The following IFI27L1 variants were observed in gnomAD, a reference collection of about 807,000 sequenced individuals.
The protein encoded by IFI27L1 is interferon alpha inducible protein 27 like 1.
A neutral mutation model predicts 9.2 loss-of-function variants in IFI27L1; 3 were observed. The ratio of observed to expected loss-of-function variants is 0.32; its 90% confidence interval spans 0.15 to 0.84. IFI27L1 has a LOEUF of 0.84. Ranked by LOEUF, IFI27L1 falls within the 40% of genes least tolerant of loss-of-function variation. IFI27L1 has a pLI of 0.56. For synonymous variants in IFI27L1, 53 were observed against 50.0 expected (o/e 1.06, Z -0.26); for missense variants, 133 against 134.2 (o/e 0.99, Z 0.05).
chr14:94,100,420 C>T, intron 2 of IFI27L1: 26 of 985,390 alleles, frequency 2.6e-5, no homozygotes, highest in Non-Finnish European at 3.1e-5. Context: ...ATGTTCCTGC[C>T]AGCCCTGAGA....
At chr14:94,088,927 T>C (rs1886374602) in intron 1 of IFI27L1, 1 of 152,264 alleles carries the variant, frequency 6.6e-6, no homozygotes, top group Admixed American at 6.5e-5. Flanking sequence ...TGGTTTGTTT[T>C]CCCCTCAGTA....
intron 2 of IFI27L1, 119 bp from the exon 3 acceptor site, chr14:94,100,620 G>A (rs1886857201): frequency 1.3e-6 from 2 of 1,582,352 alleles, no homozygotes; most frequent in Admixed American, 1.8e-5. Flanking sequence ...ATGAGTAGGG[G>A]GCTTCAGAAG....
intron 1 of IFI27L1, among the ~76,000 whole-genome samples, chr14:94,096,118 A>G (rs1480274849): frequency 1.3e-5 from 2 of 152,190 alleles, no homozygotes; most frequent in Non-Finnish European, 2.9e-5. Flanking sequence ...AATGACTTCT[A>G]TTTGTCCCCC....
intron 1 of IFI27L1, among the ~76,000 whole-genome samples, chr14:94,082,533 C>T (rs1595384737): frequency 1.3e-5 from 2 of 152,338 alleles, no homozygotes; most frequent in African/African-American, 2.4e-5. Context: ...AATGTCTGGC[C>T]TCAAAGGCCA....
chr14:94,101,110 T>C, intron 3 of IFI27L1: 1 of 517,972 alleles, frequency 1.9e-6, no homozygotes, highest in Non-Finnish European at 3.5e-6. Flanking sequence ...GAAGGGAGTA[T>C]GTCAGCTGAG....
At chr14:94,099,325 G>C (rs1485245786) in intron 2 of IFI27L1, among the ~76,000 whole-genome samples, 1 of 152,154 alleles carries the variant, frequency 6.6e-6, no homozygotes, top group Non-Finnish European at 1.5e-5. Flanking sequence ...GAGAGCAGGG[G>C]GACGCTGTCT....
chr14:94,085,595 T>C (rs981821574), intron 1 of IFI27L1, among the ~76,000 whole-genome samples: 3 of 152,210 alleles, frequency 2.0e-5, no homozygotes, highest in Admixed American at 2.0e-4. Flanking sequence ...GTGATGGAAC[T>C]GAGTGTAATT....
intron 1 of IFI27L1, among the ~76,000 whole-genome samples, chr14:94,086,718 A>T (rs1017788572): frequency 2.0e-5 from 3 of 152,200 alleles, no homozygotes; most frequent in African/African-American, 7.2e-5. Context: ...TTTGCAAATA[A>T]TAATAATAAC....
intron 2 of IFI27L1, among the ~76,000 whole-genome samples, chr14:94,099,169 T>G (rs4470090): frequency 0.5 from 75,760 of 152,022 alleles, 20,328 homozygotes; most frequent in African/African-American, 0.71. Context: ...GGAGTAGGAA[T>G]AGCAGGTGGG....
intron 3 of IFI27L1, chr14:94,101,091 G>A (rs373911855): frequency 7.3e-5 from 40 of 548,628 alleles, no homozygotes; most frequent in East Asian, 4.1e-4. Context: ...GGTATCCTTG[G>A]GGACTTTTGA....
At chr14:94,100,999 C>T (rs1353780831) in intron 3 of IFI27L1, 3 of 612,036 alleles carry the variant, frequency 4.9e-6, no homozygotes, top group South Asian at 2.0e-5. Flanking sequence ...TCAGCTTCCA[C>T]CAAGTACAAA....
At chr14:94,085,521 G>C (rs998204322) in intron 1 of IFI27L1, among the ~76,000 whole-genome samples, 25 of 152,202 alleles carry the variant, frequency 1.6e-4, no homozygotes, top group Admixed American at 7.2e-4. Flanking sequence ...ATATGAAAAG[G>C]TGATAAGTTG....
chr14:94,088,217 A>T, intron 1 of IFI27L1: 1 of 702,000 alleles, frequency 1.4e-6, no homozygotes, highest in Non-Finnish European at 2.6e-6. Context: ...TCTACTGCCA[A>T]GCATTGTAGT....
chr14:94,101,956 G>A lies in IFI27L1; in HGVS notation c.204G>A (p.Val68=). ...NGGGVAAGSL[V]AILQSVGAAG... is the part of the protein sequence containing the mutation. Reference sequence around the variant, plus strand: ...GCGGAGTTGCTGCTGGCAGTCTGGTGGCTATTCTGCAGTCAGTGGGTGAGT... The same window carrying A: ...GCGGAGTTGCTGCTGGCAGTCTGGTAGCTATTCTGCAGTCAGTGGGTGAGT... The change falls in exon 4 of 5, where the codon GTG becomes GTA. Residue 68 remains valine, a synonymous_variant. Transcript: ENST00000555523. The A allele has an allele frequency of 6.2e-7, 1 of 1,614,248 alleles. No individual in the cohort carries two copies. The highest frequency in any genetic ancestry group is 8.5e-7 in the Non-Finnish European group (1 of 1,180,040).
chr14:94,102,494 G>C lies in IFI27L1; in HGVS notation c.241G>C (p.Val81Leu). 5.0e-6 allele frequency: 8 copies of C among 1,594,080 alleles called. No individual in the cohort carries two copies. Among genetic ancestry groups the C allele is most frequent in the Non-Finnish European group, 6.8e-6 (8 of 1,169,894 alleles). The change falls in exon 5 of 5, where the codon GTG becomes CTG. Residue 81 changes from valine (V) to leucine (L), a missense_variant. Val to Leu is a conservative substitution (Grantham distance 32). Transcript: ENST00000555523. Reference sequence around the variant, plus strand: ...TCCCCCAGGGGCAGCTGGACTCTCTGTGACATCTAAAGTTATCGGGGGCTT... The same window carrying C: ...TCCCCCAGGGGCAGCTGGACTCTCTCTGACATCTAAAGTTATCGGGGGCTT... ...LQSVGAAGLSVTSKVIGGFAG... is the reference protein window; with the variant it reads ...LQSVGAAGLSLTSKVIGGFAG...
intron 4 of IFI27L1, among the ~76,000 whole-genome samples, 193 bp from the exon 5 acceptor site, chr14:94,102,284 C>T (rs1252690547): frequency 7.0e-6 from 1 of 142,664 alleles, no homozygotes; most frequent in East Asian, 2.6e-4. Flanking sequence ...TTCTTGCCTC[C>T]TCTTCGGGCA....
At chr14:94,095,765 C>A (rs1021363511) in intron 1 of IFI27L1, among the ~76,000 whole-genome samples, 5 of 152,078 alleles carry the variant, frequency 3.3e-5, no homozygotes, top group Admixed American at 2.6e-4. Flanking sequence ...GGATTTTCCC[C>A]CATGACCTGA....
rs1390371284 is a variant in IFI27L1 at position 94,083,415 on chromosome 14, G to A, written c.-52+1966G>A. ...TTGATAAAGCAGTGGCAGGGTTTGA[G>A]AGGATTGACTACAATTTTGAACATT... On this transcript the variant is annotated intron_variant, in intron 1 of 4. Transcript: ENST00000555523. 2.6e-5 allele frequency among the ~76,000 whole-genome samples: 4 copies of A among 152,344 alleles called. No individual in the cohort carries two copies. In the East Asian group the frequency reaches 7.7e-4, roughly 29 times the overall value.
At chr14:94,087,511 C>T (rs947319381) in intron 1 of IFI27L1, among the ~76,000 whole-genome samples, 14 of 152,192 alleles carry the variant, frequency 9.2e-5, no homozygotes, top group East Asian at 3.9e-4. Context: ...CTGCGAGCTC[C>T]GCCTCCCAGG....
Sources: allele counts gnomAD v4.1 joint callset (sites outside exome capture counted in the v4.1 genomes callset), GRCh38; gene constraint gnomAD v4.1.1; transcripts MANE v1.5; gene names NCBI Gene and HGNC (gene_info 2026-07-23, HGNC 2026-07-21).